ZNF398: variants seen among roughly 807,000 people sequenced by gnomAD.
ZNF398 encodes the protein zinc finger DNA binding protein ZER6.
A neutral mutation model predicts 41.9 loss-of-function variants in ZNF398; 18 were observed. The ratio of observed to expected loss-of-function variants is 0.43; its 90% confidence interval spans 0.30 to 0.64. The LOEUF (loss-of-function observed/expected upper bound fraction) is 0.64. Ranked by LOEUF, ZNF398 falls within the 30% of genes least tolerant of loss-of-function variation. The pLI is 0.14. For synonymous variants in ZNF398, 260 were observed against 308.8 expected, an observed-to-expected ratio of 0.84 and a Z score of 1.66; for missense variants, 669 against 822.8, an observed-to-expected ratio of 0.81 and a Z score of 2.29.
At chr7:149,171,803 G>A (rs990095113) in intron 4 of ZNF398, among the ~76,000 whole-genome samples, 4 of 152,110 alleles carry the variant, frequency 2.6e-5, no homozygotes, top group Admixed American at 1.3e-4. Flanking sequence ...CTCCCAAATA[G>A]CCTGTAGGCT....
intron 2 of ZNF398, among the ~76,000 whole-genome samples, chr7:149,130,899 G>A (rs1482215841): frequency 2.0e-5 from 3 of 152,160 alleles, no homozygotes; most frequent in African/African-American, 2.4e-5. Context: ...ACCATATGTG[G>A]AAAAACATGA....
chr7:149,162,275 G>T (rs1795124008), intron 2 of ZNF398, among the ~76,000 whole-genome samples: 1 of 152,014 alleles, frequency 6.6e-6, no homozygotes, highest in East Asian at 1.9e-4. Context: ...TTCGCCTCCT[G>T]GGTTCACGCC....
intron 4 of ZNF398, among the ~76,000 whole-genome samples, chr7:149,167,394 A>T (rs777130099): frequency 2.6e-5 from 4 of 152,252 alleles, no homozygotes; most frequent in South Asian, 4.1e-4. Flanking sequence ...GGCTATCATG[A>T]ACTCTTCCTA....
At chr7:149,128,755 A>AAAAATAAAAAAATAAAATAAAATAAAAT in intron 1 of ZNF398, 1 of 112,648 alleles carries the variant, frequency 8.9e-6, no homozygotes, top group Admixed American at 9.3e-5. Flanking sequence ...TCTGTCTCAA[A>AAAAATAAAAAAATAAAATAAAATAAAAT]AAAATAAAAT....
At position 149,179,650 on chromosome 7, in the gene ZNF398, G is replaced by T; in HGVS notation, c.1778G>T (p.Gly593Val). ...KDHLRSGHNG[G>V]CGGDSDPSGQ... ...CACCTCCGTTCAGGCCACAATGGAG[G>T]CTGTGGGGGTGATAGTGACCCATCA... The change falls in exon 6 of 6, where the codon GGC becomes GTC. Residue 593 changes from glycine (G) to valine (V), a missense_variant. By Grantham distance (109) the Gly-to-Val change is moderately radical (BLOSUM62 -3). This residue lies in a region of ZNF398 where 210 missense variants were observed against 290.4 expected (regional missense o/e 0.72). Transcript: ENST00000475153. This position sits in a 1 kb window ranked among gnomAD's most constrained non-coding sequence, Gnocchi z 6.1. 6.2e-7 allele frequency: 1 copy of T among 1,614,232 alleles called. No homozygotes were observed. Among genetic ancestry groups the T allele is most frequent in the East Asian group, 2.2e-5 (1 of 44,890 alleles).
upstream of ZNF398, chr7:149,126,410 AG>A: frequency 9.2e-7 from 1 of 1,089,494 alleles, no homozygotes; most frequent in Non-Finnish European, 1.2e-6. Flanking sequence ...GCGCCGCCAG[AG>A]GGAGTCGGTC....
chr7:149,147,811 A>G lies in ZNF398; in HGVS notation c.24+45A>G, dbSNP rs1826992558. 7.4e-7 allele frequency: 1 copy of G among 1,347,440 alleles called. No homozygotes were observed. Among genetic ancestry groups the G allele is most frequent in the South Asian group, 1.8e-5 (1 of 54,274 alleles). 83.5% of individuals were successfully genotyped at this position (1,347,440 alleles called of 1,614,324 possible). Reference sequence around the variant, plus strand: ...AGTGTTGTGAGCCCCCGAGACCCAGACCCCGAGGGAGGAAGGCGGGCGGGC... The same window carrying G: ...AGTGTTGTGAGCCCCCGAGACCCAGGCCCCGAGGGAGGAAGGCGGGCGGGC... On this transcript the variant is annotated intron_variant, in intron 1 of 5. Coordinates refer to ENST00000475153, the MANE Select transcript of ZNF398 (RefSeq NM_170686.3). This position sits in a 1 kb window ranked among gnomAD's most constrained non-coding sequence, Gnocchi z 5.6.
chr7:149,127,164 AAGG>A (rs1490580298), intron 1 of ZNF398, among the ~76,000 whole-genome samples: 1 of 152,140 alleles, frequency 6.6e-6, no homozygotes, highest in Admixed American at 6.5e-5. Flanking sequence ...GAGAGACAGA[AAGG>A]AGAGAGAGGG....
At chr7:149,148,576 G>T (rs1224721460) in intron 1 of ZNF398, 1 of 737,254 alleles carries the variant, frequency 1.4e-6, no homozygotes, top group Non-Finnish European at 1.7e-6. Flanking sequence ...GCAGCGATGG[G>T]TAGGGGGTAG....
Position 149,167,262 on chromosome 7 carries a change from C to T in ZNF398, c.661+332C>T, listed in dbSNP as rs1056862760. On this transcript the variant is annotated intron_variant, in intron 4 of 5. Transcript: ENST00000475153. Reference sequence around the variant, plus strand: ...CTAAATTGGCTTGAGCAAATATAAGCATGGCCCTTCATAAGTGCTGAAGGG... The same window carrying T: ...CTAAATTGGCTTGAGCAAATATAAGTATGGCCCTTCATAAGTGCTGAAGGG... 2.0e-4 allele frequency among the ~76,000 whole-genome samples: 31 copies of T among 152,198 alleles called. 1 individual carries two copies. Among genetic ancestry groups the T allele is most frequent in the Non-Finnish European group, 7.3e-5 (5 of 68,032 alleles).
intron 5 of ZNF398, among the ~76,000 whole-genome samples, chr7:149,176,987 G>A (rs928562512): frequency 1.3e-5 from 2 of 152,264 alleles, no homozygotes; most frequent in Non-Finnish European, 2.9e-5. Context: ...CCCTCCCTCA[G>A]TGAAAGGAAA....
At chr7:149,174,600 G>C (rs1795423629) in intron 4 of ZNF398, among the ~76,000 whole-genome samples, 1 of 152,162 alleles carries the variant, frequency 6.6e-6, no homozygotes, top group South Asian at 2.1e-4. Flanking sequence ...TGAGGCAGGT[G>C]GGTCACCTGA....
rs1795562582 is a variant in ZNF398, at chr7:149,180,278, T to C, written c.*477T>C. The C allele has an allele frequency of 6.5e-6, 1 of 153,870 alleles. No individual in the cohort carries two copies. The highest frequency in any genetic ancestry group is 1.4e-5 in the Non-Finnish European group (1 of 69,212). The allele number at this position is 153,870 out of a possible 1,614,324, so 9.5% of individuals were successfully genotyped here. On this transcript the variant is annotated 3_prime_UTR_variant, in exon 6 of 6. Coordinates refer to ENST00000475153, the MANE Select transcript of ZNF398 (RefSeq NM_170686.3). ...TAGCTAAGATGGTTGTTGGAGAAAG[T>C]GCTTAAGCCACTGTTTATGTTGCTG...
chr7:149,170,772 A>C (rs910016504), intron 4 of ZNF398, among the ~76,000 whole-genome samples: 12 of 152,020 alleles, frequency 7.9e-5, no homozygotes, highest in Admixed American at 7.2e-4. Flanking sequence ...TCTATAGGGC[A>C]CTTGCCATGA....
chr7:149,156,747 G>C (rs1392514227), intron 2 of ZNF398, among the ~76,000 whole-genome samples: 3 of 151,518 alleles, frequency 2.0e-5, no homozygotes, highest in African/African-American at 7.3e-5. Flanking sequence ...CGTAATCCCA[G>C]CTACTTGGGA....
chr7:149,173,819 G>A (rs1429618470), intron 4 of ZNF398, among the ~76,000 whole-genome samples: 2 of 103,094 alleles, frequency 1.9e-5, no homozygotes, highest in Non-Finnish European at 3.7e-5. Context: ...TTGAGACACA[G>A]TTTGGCTCTT....
intron 1 of ZNF398, among the ~76,000 whole-genome samples, chr7:149,148,952 G>T (rs1370491151): frequency 7.3e-6 from 1 of 137,232 alleles, no homozygotes; most frequent in African/African-American, 2.7e-5. Flanking sequence ...TTCCAGTGTG[G>T]CCCAGGGAAG....
At chr7:149,150,091 A>G (rs1300329335) in intron 1 of ZNF398, among the ~76,000 whole-genome samples, 2 of 152,218 alleles carry the variant, frequency 1.3e-5, no homozygotes, top group African/African-American at 4.8e-5. Context: ...GTTAAGATTT[A>G]AATAGGATGC....
chr7:149,163,205 T>A (rs1467362873), intron 2 of ZNF398, among the ~76,000 whole-genome samples: 1 of 151,868 alleles, frequency 6.6e-6, no homozygotes, highest in Non-Finnish European at 1.5e-5. Context: ...TTTGTTTGTT[T>A]GTTTGTTTGT....
Sources: allele counts gnomAD v4.1 joint callset (sites outside exome capture counted in the v4.1 genomes callset), GRCh38; gene constraint gnomAD v4.1.1; regional missense constraint gnomAD v4.1.1; non-coding constraint Gnocchi (gnomAD v3.1); transcripts MANE v1.5; gene names NCBI Gene and HGNC (gene_info 2026-07-23, HGNC 2026-07-21).